The following OTUD4 variants were observed in gnomAD, a reference collection of about 807,000 sequenced individuals.
OTUD4 encodes OTU deubiquitinase 4.
OTUD4 carries 24 observed loss-of-function variants against 130.4 expected under a neutral mutation model. The observed-to-expected ratio is 0.18, with a 90% CI of 0.13 to 0.26. The LOEUF is 0.26. OTUD4 is among the 10% of genes least tolerant of loss of function. The pLI is 1.00. For missense variants in OTUD4, 1,031 were observed against 1,329.4 expected, an observed-to-expected ratio of 0.78 and a Z score of 3.49; for synonymous variants, 420 against 472.5, an observed-to-expected ratio of 0.89 and a Z score of 1.44.
In OTUD4 at chr4:145,135,103, C is replaced by T. The variant is rs1361739779; in HGVS notation, c.*2327G>A. On this transcript the variant is annotated 3_prime_UTR_variant, in exon 21 of 21. Transcript: ENST00000447906. ...AAACTTAAAGGAAAAAAAGCGAAAC[C>T]AACCTTCATGCAAAGATTAATTTTA... 1.7e-5 allele frequency: 6 copies of T among 362,028 alleles called. No homozygotes were observed. Among genetic ancestry groups the T allele is most frequent in the African/African-American group, 1.0e-4 (5 of 47,998 alleles). 22.4% of individuals were successfully genotyped at this position (362,028 alleles called of 1,614,324 possible).
At chr4:145,168,954 T>A (rs887950756) in intron 3 of OTUD4, among the ~76,000 whole-genome samples, 21 of 152,384 alleles carry the variant, frequency 1.4e-4, no homozygotes, top group Non-Finnish European at 7.3e-5. Flanking sequence ...ATACACAGAT[T>A]ATTTTTCTTC....
At chr4:145,177,857 T>C (rs1752499636) in intron 1 of OTUD4, among the ~76,000 whole-genome samples, 1 of 152,242 alleles carries the variant, frequency 6.6e-6, no homozygotes, top group Non-Finnish European at 1.5e-5. Context: ...TTTGTGATTT[T>C]ATAGGAGAAA....
chr4:145,166,788 G>A (rs1230933688), intron 3 of OTUD4, among the ~76,000 whole-genome samples: 1 of 152,076 alleles, frequency 6.6e-6, no homozygotes, highest in Non-Finnish European at 1.5e-5. Context: ...CGAGTAAGCC[G>A]AGATCGCGCT....
rs1332254774 is a variant in OTUD4, at chr4:145,134,404, A to G, written c.*3026T>C. On this transcript the variant is annotated 3_prime_UTR_variant, in exon 21 of 21. Coordinates refer to ENST00000447906, the MANE Select transcript of OTUD4 (RefSeq NM_001366057.1). ...AAATGAAGGTAAAACGAAAGAGGCA[A>G]AAATAAATATTGCTAGTTTCTAGGA... The G allele has an allele frequency of 2.0e-5, 6 of 293,140 alleles. No individual in the cohort carries two copies. The highest frequency in any genetic ancestry group is 3.1e-5 in the Non-Finnish European group (5 of 159,730). The allele number at this position is 293,140 out of a possible 1,614,324, so 18.2% of individuals were successfully genotyped here. A position where few individuals can be genotyped will look rare whatever the true frequency, so the allele number is the denominator to read the frequency against.
chr4:145,168,793 T>C (rs1752003836), intron 3 of OTUD4, among the ~76,000 whole-genome samples: 1 of 152,204 alleles, frequency 6.6e-6, no homozygotes, highest in Non-Finnish European at 1.5e-5. Flanking sequence ...AATTTTGCTC[T>C]AAGGTATTAA....
Position 145,133,778 on chromosome 4 carries a change from CAT to C in OTUD4, c.*3650_*3651del, listed in dbSNP as rs2126723901. ...CACTTCTTAAGGCTACAAAACAGAA[CAT>C]AGAAAAATAAACAGGAATATATTCA... On this transcript the variant is annotated 3_prime_UTR_variant, in exon 21 of 21. Coordinates refer to ENST00000447906, the MANE Select transcript of OTUD4 (RefSeq NM_001366057.1). 1 of 152,544 alleles carries C rather than the reference CAT, an allele frequency of 6.6e-6. No homozygotes were observed. Among genetic ancestry groups the C allele is most frequent in the South Asian group, 2.1e-4 (1 of 4,814 alleles). 9.4% of individuals were successfully genotyped at this position (152,544 alleles called of 1,614,324 possible).
In OTUD4 at chr4:145,138,558, A is replaced by G. The variant is rs558586803; in HGVS notation, c.2217T>C (p.Pro739=). ...AGGGATTATGAGGATAAACAGGGAC[A>G]GGGACCTTTGGGTACATCCTGCAGG... The part of the protein sequence containing the change: ...LAACRMYPKV[P]VPVYPHNPWF... Residue 739 remains proline (P), a synonymous_variant, in exon 21 of 21, where the codon CCT becomes CCC. Coordinates refer to ENST00000447906, the MANE Select transcript of OTUD4 (RefSeq NM_001366057.1). 6 of 1,614,144 alleles carry G rather than the reference A, an allele frequency of 3.7e-6. No individual in the cohort carries two copies. The highest frequency in any genetic ancestry group is 5.1e-6 in the Non-Finnish European group (6 of 1,180,018).
At chr4:145,179,784 CTCGAAGCCCT>C in intron 1 of OTUD4, 21 bp downstream of exon 1, 3 of 1,417,478 alleles carry the variant, frequency 2.1e-6, no homozygotes, top group South Asian at 2.6e-5. Context: ...CCCGCCTCCC[CTCGAAGCCCT>C]CCCCGCCCCC....
At chr4:145,174,508 C>T (rs1210951946) in intron 2 of OTUD4, among the ~76,000 whole-genome samples, 153 bp downstream of exon 2, 1 of 152,090 alleles carries the variant, frequency 6.6e-6, no homozygotes, top group African/African-American at 2.4e-5. Context: ...CTGAATATAA[C>T]TAGATTAAGT....
intron 2 of OTUD4, among the ~76,000 whole-genome samples, chr4:145,173,316 C>T (rs1414599171): frequency 6.6e-6 from 1 of 152,076 alleles, no homozygotes; most frequent in African/African-American, 2.4e-5. Context: ...ATGGCATGAA[C>T]CCGGGAGGCG....
At chr4:145,147,437 T>C (rs528207519) in intron 13 of OTUD4, among the ~76,000 whole-genome samples, 18 of 152,284 alleles carry the variant, frequency 1.2e-4, no homozygotes, top group African/African-American at 3.9e-4. Context: ...GTAAAAAATT[T>C]TGAAGAGGAC....
Position 145,138,639 on chromosome 4 carries a change from A to C in OTUD4, c.2136T>G (p.Cys712Trp). 6.2e-7 allele frequency: 1 copy of C among 1,609,102 alleles called. No homozygotes were observed. Among genetic ancestry groups the C allele is most frequent in the Non-Finnish European group, 8.5e-7 (1 of 1,178,192 alleles). ...GGTAAGAATGTGGGGCCCACATAGGACAACTGTATGCCTGAAGAGACAAAA... is the reference window on the plus strand; with the variant it reads ...GGTAAGAATGTGGGGCCCACATAGGCCAACTGTATGCCTGAAGAGACAAAA... ...FFNLGVKAYS[C>W]PMWAPHSYLY... The change falls in exon 21 of 21, where the codon TGT (cysteine) becomes TGG (tryptophan). Residue 712 changes from cysteine (C) to tryptophan (W), a missense_variant. Coordinates refer to ENST00000447906, the MANE Select transcript of OTUD4 (RefSeq NM_001366057.1).
chr4:145,175,901 T>TC (rs1561002502), intron 1 of OTUD4, among the ~76,000 whole-genome samples: 1 of 146,516 alleles, frequency 6.8e-6, no homozygotes, highest in Admixed American at 6.8e-5. Context: ...AATTCTTTTT[T>TC]CCCCCACCAG....
chr4:145,163,372 G>T (rs948652087), intron 5 of OTUD4, among the ~76,000 whole-genome samples: 1 of 152,140 alleles, frequency 6.6e-6, no homozygotes, highest in Non-Finnish European at 1.5e-5. Context: ...TAAGTCAGTT[G>T]ATCTTTCTTT....
chr4:145,137,734 CTATCAA>C lies in OTUD4; in HGVS notation c.3035_3040del (p.Val1012_Ser1014delinsGly). The C allele has an allele frequency of 1.2e-6, 2 of 1,613,708 alleles. No individual in the cohort carries two copies. The highest frequency in any genetic ancestry group is 1.7e-6 in the Non-Finnish European group (2 of 1,179,652). On this transcript the variant is annotated inframe_deletion, in exon 21 of 21. Transcript: ENST00000447906. ...CTCTTCTTTTGGTCTTTGCACTCTG[CTATCAA>C]CAGAGTTGGCCCCAGGGCTGACCAC...
chr4:145,173,963 A>C (rs1238151609), intron 2 of OTUD4, among the ~76,000 whole-genome samples: 1 of 152,142 alleles, frequency 6.6e-6, no homozygotes, highest in African/African-American at 2.4e-5. Context: ...TTAAGGGTTC[A>C]GCATTACTTA....
chr4:145,141,236 C>CT, intron 19 of OTUD4, 143 bp downstream of exon 19: 1 of 428,358 alleles, frequency 2.3e-6, no homozygotes, highest in Non-Finnish European at 4.1e-6. Flanking sequence ...GAATGACTGA[C>CT]TAATAGCTAA....
intron 5 of OTUD4, 120 bp from the exon 6 acceptor site, chr4:145,162,841 T>C (rs1392400841): frequency 8.3e-5 from 43 of 518,262 alleles, no homozygotes; most frequent in Non-Finnish European, 1.4e-4. Context: ...GTGAGTATTT[T>C]AGGAGTAACC....
rs36227000 is a variant in OTUD4, at chr4:145,137,208, C to A, written c.*222G>T. 2.2e-3 allele frequency: 937 copies of A among 426,278 alleles called. 4 individuals carry two copies. The highest frequency in any genetic ancestry group is 0.016 in the African/African-American group (782 of 49,624). 26.4% of individuals were successfully genotyped at this position (426,278 alleles called of 1,614,324 possible). The stretch of plus-strand genomic sequence containing the variant: ...CTTTTTACGGGGACAGTCACTTGAT[C>A]AACAAACAGATTCTGAATGAAGAAA... On this transcript the variant is annotated 3_prime_UTR_variant, in exon 21 of 21. Transcript: ENST00000447906.
Sources: allele counts gnomAD v4.1 joint callset (sites outside exome capture counted in the v4.1 genomes callset), GRCh38; gene constraint gnomAD v4.1.1; transcripts MANE v1.5; gene names NCBI Gene and HGNC (gene_info 2026-07-23, HGNC 2026-07-21).